Variants in C1QTNF3 observed in about 807,000 individuals in gnomAD.
The protein encoded by C1QTNF3 is C1q and TNF related 3.
A neutral mutation model predicts 32.6 loss-of-function variants in C1QTNF3; 26 were observed. That is an observed-to-expected ratio of 0.80 (90% CI 0.58 to 1.11). C1QTNF3 has a LOEUF of 1.11. Among genes scored for constraint, C1QTNF3 ranks in the 50% least tolerant of loss-of-function variants. The pLI, the probability that C1QTNF3 is intolerant of heterozygous loss-of-function variation, is 0.00. For missense variants in C1QTNF3, 362 were observed against 398.2 expected (o/e 0.91, Z 0.77); for synonymous variants, 155 against 146.0 (o/e 1.06, Z -0.44).
At chr5:34,186,584 A>T in the C1QTNF3 span, among the ~76,000 whole-genome samples, 2,424 of 147,760 alleles carry the variant, frequency 0.016, no homozygotes, top group African/African-American at 0.062. Context: ...CACAAGAACG[A>T]TCATCGCACA....
the C1QTNF3 span, among the ~76,000 whole-genome samples, chr5:34,154,999 A>C: frequency 6.6e-6 from 1 of 152,180 alleles, no homozygotes; most frequent in Admixed American, 6.5e-5. Context: ...CTATGGTCAC[A>C]TACTTCTTAG....
chr5:34,206,371 TTTAA>T, the C1QTNF3 span, among the ~76,000 whole-genome samples: 1 of 152,146 alleles, frequency 6.6e-6, no homozygotes, highest in Non-Finnish European at 1.5e-5. Context: ...TATGTCTTAG[TTTAA>T]TTAGCCACAG....
At chr5:34,195,860 A>C in the C1QTNF3 span, among the ~76,000 whole-genome samples, 1 of 152,040 alleles carries the variant, frequency 6.6e-6, no homozygotes, top group Non-Finnish European at 1.5e-5. Flanking sequence ...AAAAAAATTC[A>C]TATGATAAAG....
At chr5:34,173,979 T>C in the C1QTNF3 span, among the ~76,000 whole-genome samples, 3 of 152,218 alleles carry the variant, frequency 2.0e-5, no homozygotes, top group African/African-American at 7.2e-5. Flanking sequence ...GGCTCTTAGT[T>C]GATCATGGAG....
chr5:34,211,706 AC>A, the C1QTNF3 span, among the ~76,000 whole-genome samples: 1 of 151,680 alleles, frequency 6.6e-6, no homozygotes, highest in Non-Finnish European at 1.5e-5. Flanking sequence ...CCATGTCCCT[AC>A]AAAGGACATG....
chr5:34,224,968 C>T, the C1QTNF3 span, among the ~76,000 whole-genome samples: 1 of 152,124 alleles, frequency 6.6e-6, no homozygotes, highest in Admixed American at 6.6e-5. Context: ...AAAAAACAAA[C>T]AACCTCATCA....
At chr5:34,222,822 A>C in the C1QTNF3 span, among the ~76,000 whole-genome samples, 2 of 151,948 alleles carry the variant, frequency 1.3e-5, no homozygotes, top group Non-Finnish European at 2.9e-5. Context: ...TTTTTGCTGC[A>C]AACTGGCTAG....
At chr5:34,240,205 T>C in the C1QTNF3 span, among the ~76,000 whole-genome samples, 5 of 149,002 alleles carry the variant, frequency 3.4e-5, no homozygotes, top group South Asian at 2.1e-4. Flanking sequence ...AATCTAACAC[T>C]ACACCTAAAG....
the C1QTNF3 span, among the ~76,000 whole-genome samples, chr5:34,095,029 T>G: frequency 6.6e-6 from 1 of 151,884 alleles, no homozygotes. Flanking sequence ...ATGTGTATAA[T>G]GCACACTGAT....
the C1QTNF3 span, among the ~76,000 whole-genome samples, chr5:34,240,350 A>T: frequency 5.3e-5 from 8 of 152,004 alleles, no homozygotes; most frequent in East Asian, 5.8e-4. Context: ...GAGTTGATTT[A>T]AAAAAAGAGA....
At chr5:34,116,022 A>G in the C1QTNF3 span, among the ~76,000 whole-genome samples, 1 of 152,000 alleles carries the variant, frequency 6.6e-6, no homozygotes, top group African/African-American at 2.4e-5. Flanking sequence ...TATGTGTTTC[A>G]CTCTGAAAAC....
At chr5:34,177,264 A>T in the C1QTNF3 span, among the ~76,000 whole-genome samples, 573 of 152,312 alleles carry the variant, frequency 3.8e-3, 1 homozygote, top group African/African-American at 0.013. Context: ...AGCCACATGT[A>T]GCTAGTGGCT....
chr5:34,020,718 A>G lies in C1QTNF3; in HGVS notation c.825T>C (p.Asp275=). The change falls in exon 6 of 6, where the codon GAT becomes GAC. Residue 275 remains aspartate (D), a synonymous_variant. Transcript: ENST00000382065. ...TCAGCACAGCATGATTGCTGGATGT[A>G]TCTGATTTGCCCTTCATTTCATAGC... ...MYSYEMKGKS[D]TSSNHAVLKL... is the part of the protein sequence containing the mutation. The G allele has an allele frequency of 6.2e-7, 1 of 1,613,708 alleles. No homozygotes were observed. Among genetic ancestry groups the G allele is most frequent in the South Asian group, 1.1e-5 (1 of 91,012 alleles).
the C1QTNF3 span, among the ~76,000 whole-genome samples, chr5:34,075,672 G>A: frequency 2.0e-5 from 3 of 151,432 alleles, no homozygotes; most frequent in African/African-American, 7.3e-5. Context: ...GTGAAAAAAT[G>A]GAATGGAAAT....
the C1QTNF3 span, among the ~76,000 whole-genome samples, chr5:34,208,909 A>T: frequency 1.3e-5 from 2 of 152,168 alleles, no homozygotes; most frequent in African/African-American, 4.8e-5. Flanking sequence ...ATTTTCAACA[A>T]CACGGTCTCA....
chr5:34,201,934 A>C, the C1QTNF3 span, among the ~76,000 whole-genome samples: 1 of 152,156 alleles, frequency 6.6e-6, no homozygotes, highest in Non-Finnish European at 1.5e-5. Flanking sequence ...CCTACTATTA[A>C]AACTTTAAGC....
At chr5:34,139,688 TAA>T in the C1QTNF3 span, among the ~76,000 whole-genome samples, 1 of 152,264 alleles carries the variant, frequency 6.6e-6, no homozygotes, top group Non-Finnish European at 1.5e-5. Flanking sequence ...CTCATTAAGT[TAA>T]AGAGTACAAT....
the C1QTNF3 span, among the ~76,000 whole-genome samples, chr5:34,132,771 G>GT: frequency 1.8e-4 from 28 of 152,172 alleles, no homozygotes; most frequent in African/African-American, 6.7e-4. Flanking sequence ...GAGCTTAAAG[G>GT]TGTCTCCGAT....
At chr5:34,141,537 T>C in the C1QTNF3 span, among the ~76,000 whole-genome samples, 2 of 152,210 alleles carry the variant, frequency 1.3e-5, no homozygotes, top group Admixed American at 1.3e-4. Flanking sequence ...GCTTGTGCTA[T>C]CTCTTATCTT....
Sources: allele counts gnomAD v4.1 joint callset (sites outside exome capture counted in the v4.1 genomes callset), GRCh38; gene constraint gnomAD v4.1.1; transcripts MANE v1.5; gene names NCBI Gene and HGNC (gene_info 2026-07-23, HGNC 2026-07-21).